ZNF717: variants seen among roughly 807,000 people sequenced by gnomAD.
ZNF717 encodes zinc finger protein 717, also known as krueppel-like factor X17.
ZNF717 carries 9 observed loss-of-function variants against 13.8 expected under a neutral mutation model. That is an observed-to-expected ratio of 0.65 (90% CI 0.39 to 1.14). The LOEUF (loss-of-function observed/expected upper bound fraction) is 1.14, where lower values mean the gene tolerates loss of function less well. Among genes scored for constraint, ZNF717 ranks in the 50% most tolerant of loss-of-function variants. The pLI is 0.01. For synonymous variants in ZNF717, 327 were observed against 364.1 expected, an observed-to-expected ratio of 0.90 and a Z score of 1.16; for missense variants, 1,040 against 1,080.7, an observed-to-expected ratio of 0.96 and a Z score of 0.53.
intron 6 of ZNF717, among the ~76,000 whole-genome samples, chr3:75,696,596 T>A (rs139194252): frequency 0.083 from 9,041 of 108,934 alleles, no homozygotes; most frequent in Middle Eastern, 0.15. Flanking sequence ...ATACATCACA[T>A]AAACAGAATG....
chr3:75,759,804 T>C (rs1320649765), intron 2 of ZNF717, among the ~76,000 whole-genome samples: 1 of 150,206 alleles, frequency 6.7e-6, no homozygotes, highest in Non-Finnish European at 1.5e-5. Context: ...CCTGACCTCA[T>C]GTGATCTGCC....
At chr3:75,782,873 C>T (rs1207048460) in intron 2 of ZNF717, among the ~76,000 whole-genome samples, 9 of 151,994 alleles carry the variant, frequency 5.9e-5, no homozygotes, top group Admixed American at 1.3e-4. Flanking sequence ...CACAACATGC[C>T]GTGCTTTAGC....
chr3:75,715,645 T>A (rs1410182320), intron 5 of ZNF717, among the ~76,000 whole-genome samples: 1 of 152,296 alleles, frequency 6.6e-6, no homozygotes, highest in East Asian at 1.9e-4. Context: ...CTAAAGATTA[T>A]CTCACTTGAT....
Position 75,783,369 on chromosome 3 carries a change from G to C in ZNF717, c.-2-5C>G, listed in dbSNP as rs771126762. 1.9e-6 allele frequency: 3 copies of C among 1,550,680 alleles called. No homozygotes were observed. The highest frequency in any genetic ancestry group is 1.7e-6 in the Non-Finnish European group (2 of 1,146,270). ...CAGAGAACACTGGAAACATAGCTGA[G>C]AGAGAAGGCAAATGACGTGAATTAA... On this transcript the variant is annotated splice_region_variant and splice_polypyrimidine_tract_variant and intron_variant, in intron 1 of 4. Transcript: ENST00000652011.
At chr3:75,763,347 A>C (rs1245691921) in intron 2 of ZNF717, among the ~76,000 whole-genome samples, 2 of 152,198 alleles carry the variant, frequency 1.3e-5, no homozygotes, top group African/African-American at 2.4e-5. Context: ...GAGCATCTCA[A>C]ATTCAAACAC....
chr3:75,708,918 C>T (rs917528000), downstream of ZNF717, among the ~76,000 whole-genome samples: 8 of 152,068 alleles, frequency 5.3e-5, 1 homozygote, highest in Admixed American at 1.3e-4. Flanking sequence ...CAGAATTTGA[C>T]GTGGCAGCAG....
At chr3:75,704,460 G>A (rs1285346127) in intron 6 of ZNF717, among the ~76,000 whole-genome samples, 3 of 152,068 alleles carry the variant, frequency 2.0e-5, no homozygotes, top group East Asian at 1.9e-4. Flanking sequence ...CCATTCAGGC[G>A]GGCAAGAACG....
intron 2 of ZNF717, among the ~76,000 whole-genome samples, chr3:75,778,572 A>C (rs1233671802): frequency 8.1e-5 from 12 of 148,902 alleles, no homozygotes; most frequent in Admixed American, 7.4e-4. Context: ...AAAACCGGAA[A>C]ACAAAACAAT....
At chr3:75,726,865 T>C (rs151327921), downstream of ZNF717, among the ~76,000 whole-genome samples, 3 of 152,244 alleles carry the variant, frequency 2.0e-5, no homozygotes, top group Non-Finnish European at 2.9e-5. Context: ...TCAAGTCTTA[T>C]ATAAAATGGT....
downstream of ZNF717, among the ~76,000 whole-genome samples, chr3:75,707,441 A>C (rs78929735): frequency 6.8e-6 from 1 of 147,282 alleles, no homozygotes; most frequent in Non-Finnish European, 1.5e-5. Flanking sequence ...GATGCAAGCT[A>C]GTTTACATTC....
chr3:75,702,635 A>T (rs1937718539), intron 6 of ZNF717, among the ~76,000 whole-genome samples: 1 of 152,312 alleles, frequency 6.6e-6, no homozygotes, highest in African/African-American at 2.4e-5. Flanking sequence ...ATTGTTTATA[A>T]CACAAGCTAT....
rs1385462616 is a variant in ZNF717, at chr3:75,737,617, T to C, written c.2006A>G (p.His669Arg). Residue 669 changes from histidine to arginine, a missense_variant, in exon 5 of 5, where the codon CAC becomes CGC. His to Arg is a conservative substitution (Grantham distance 29). Transcript: ENST00000652011. ...TACATCCATACGGTTTTTCCCCGTG[T>C]GAGTTCTCTGGTGTATGGTGAGGAA... ...KSFLTIHQRT[H>R]TGKNRMDVMN... The C allele has an allele frequency of 6.5e-7, 1 of 1,544,068 alleles. No homozygotes were observed. The highest frequency in any genetic ancestry group is 1.2e-5 in the South Asian group (1 of 83,646).
intron 2 of ZNF717, among the ~76,000 whole-genome samples, chr3:75,767,046 T>A (rs138336939): frequency 1.7e-3 from 262 of 152,360 alleles, no homozygotes; most frequent in African/African-American, 5.7e-3. Flanking sequence ...CTGACTTATT[T>A]GGCCAACAGA....
chr3:75,766,714 A>G, intron 2 of ZNF717, among the ~76,000 whole-genome samples: 1 of 152,280 alleles, frequency 6.6e-6, no homozygotes, highest in Non-Finnish European at 1.5e-5. Context: ...CACACAGTTG[A>G]GCACTACCAA....
intron 2 of ZNF717, among the ~76,000 whole-genome samples, chr3:75,765,035 A>ATATATATGTATGTGTG (rs1559662069): frequency 6.1e-5 from 5 of 81,804 alleles, no homozygotes; most frequent in African/African-American, 1.6e-4. Flanking sequence ...ATATATGTAT[A>ATATATATGTATGTGTG]TGTGTGTGTG....
intron 6 of ZNF717, among the ~76,000 whole-genome samples, chr3:75,699,858 C>T (rs1937650365): frequency 6.6e-6 from 1 of 152,308 alleles, no homozygotes; most frequent in African/African-American, 2.4e-5. Context: ...CAAGAGTCAA[C>T]AAACTGAAAA....
chr3:75,748,921 C>G (rs72896603), intron 2 of ZNF717, among the ~76,000 whole-genome samples: 4 of 150,474 alleles, frequency 2.7e-5, no homozygotes, highest in African/African-American at 1.0e-4. Flanking sequence ...GCAGGGGTCT[C>G]TTTGCCCTCA....
exon 6 of ZNF717, chr3:75,711,149 A>C (rs1937928690): frequency 6.6e-6 from 1 of 152,236 alleles, no homozygotes; most frequent in Admixed American, 6.5e-5. Flanking sequence ...TATGAAGAGA[A>C]ACAGATATTT....
intron 2 of ZNF717, among the ~76,000 whole-genome samples, chr3:75,778,026 A>T (rs1250866261): frequency 6.6e-6 from 1 of 150,940 alleles, no homozygotes; most frequent in African/African-American, 2.4e-5. Flanking sequence ...AAACAATGGG[A>T]GTGATGTGCT....
Sources: gnomAD v4.1 joint callset for allele counts (sites outside exome capture counted in the v4.1 genomes callset) on GRCh38, gnomAD v4.1.1 for gene constraint, MANE v1.5 for transcripts, NCBI Gene and HGNC (gene_info 2026-07-23, HGNC 2026-07-21) for gene names.